The following GPCPD1 variants were observed in gnomAD, a reference collection of about 807,000 sequenced individuals.
GPCPD1 encodes glycerophosphocholine phosphodiesterase GPCPD1.
Under a neutral mutation model 89.2 loss-of-function variants are expected in GPCPD1, and 29 were observed. The observed-to-expected ratio is 0.33, with a 90% CI of 0.24 to 0.44. The LOEUF (loss-of-function observed/expected upper bound fraction) is 0.44, where lower values mean the gene tolerates loss of function less well. GPCPD1 is among the 20% of genes least tolerant of loss of function. GPCPD1 has a pLI of 1.00. For missense variants in GPCPD1, 594 were observed against 808.9 expected, an observed-to-expected ratio of 0.73 and a Z score of 3.22; for synonymous variants, 258 against 266.3, an observed-to-expected ratio of 0.97 and a Z score of 0.30.
chr20:5,581,294 G>A (rs1441032401), intron 6 of GPCPD1, among the ~76,000 whole-genome samples: 1 of 152,080 alleles, frequency 6.6e-6, no homozygotes, highest in African/African-American at 2.4e-5. Flanking sequence ...TATGAAGTAG[G>A]GGGAAAAATT....
At chr20:5,573,222 T>A (rs1568657099) in intron 11 of GPCPD1, among the ~76,000 whole-genome samples, 1 of 152,028 alleles carries the variant, frequency 6.6e-6, no homozygotes. Context: ...GTAGCTGGGA[T>A]AACAGGCGCG....
intron 3 of GPCPD1, among the ~76,000 whole-genome samples, chr20:5,596,397 T>A (rs567911130): frequency 6.6e-6 from 1 of 151,630 alleles, no homozygotes; most frequent in Non-Finnish European, 1.5e-5. Context: ...GTCTAAAAAA[T>A]TTTAAAAAAA....
intron 5 of GPCPD1, 60 bp downstream of exon 5, chr20:5,586,134 T>C (rs982443187): frequency 1.3e-6 from 1 of 777,510 alleles, no homozygotes; most frequent in Admixed American, 2.1e-5. Flanking sequence ...ACTAAGCCAT[T>C]GTGCAGCATA....
chr20:5,549,841 T>G (rs1731016213), intron 19 of GPCPD1, among the ~76,000 whole-genome samples: 1 of 146,594 alleles, frequency 6.8e-6, no homozygotes, highest in South Asian at 2.1e-4. Context: ...TGGAAAAAAA[T>G]GCATTCAGAG....
At chr20:5,567,863 C>G (rs1223990215) in intron 12 of GPCPD1, 1 of 231,300 alleles carries the variant, frequency 4.3e-6, no homozygotes, top group African/African-American at 2.2e-5. Flanking sequence ...AACCAGAAGT[C>G]AGTCATCTCC....
Position 5,580,106 on chromosome 20 carries a change from T to A in GPCPD1, c.375A>T (p.Gly125=), listed in dbSNP as rs962540229. 3 of 1,496,572 alleles carry A rather than the reference T, an allele frequency of 2.0e-6. No homozygotes were observed. Among genetic ancestry groups the A allele is most frequent in the Non-Finnish European group, 2.8e-6 (3 of 1,075,116 alleles). 92.7% of individuals were successfully genotyped at this position (1,496,572 alleles called of 1,614,324 possible). Residue 125 remains glycine, a synonymous_variant, in exon 7 of 20, where the codon GGA becomes GGT. Coordinates refer to ENST00000379019, the MANE Select transcript of GPCPD1 (RefSeq NM_019593.5). ...IHNGVETLDS[G]WLTCQTEIRL... ...TTATTTCAGTCTGACATGTCAGCCA[T>A]CCAGAATCCAGAGTTTCAACACCAT...
rs1361930929 is a variant in GPCPD1, at chr20:5,554,000, G to A, written c.1829+3945C>T. ...TTCTTTTTTTTTAAGACAGAGTCTCGCTCTGTCACCCAGGCTGCAGTGCAG... is the reference window on the plus strand; with the variant it reads ...TTCTTTTTTTTTAAGACAGAGTCTCACTCTGTCACCCAGGCTGCAGTGCAG... On this transcript the variant is annotated intron_variant, in intron 19 of 19. Transcript: ENST00000379019. Among the ~76,000 whole-genome samples, 5 of 95,118 alleles carry A rather than the reference G, an allele frequency of 5.3e-5. 1 individual carries two copies. Among genetic ancestry groups the A allele is most frequent in the Non-Finnish European group, 8.7e-5 (4 of 46,208 alleles). The allele number at this position is 95,118 out of a possible 152,430, so 62.4% of individuals were successfully genotyped here.
At position 5,603,217 on chromosome 20, in the gene GPCPD1, C is replaced by T. The variant is rs1980298883; in HGVS notation, c.49+1147G>A. 4.6e-5 allele frequency among the ~76,000 whole-genome samples: 7 copies of T among 152,042 alleles called. No homozygotes were observed. The South Asian group carries it at 1.5e-3, about 32-fold the overall frequency. ...CTGAGGCAGGAGAATTGCTTAAACC[C>T]GGGAGGCGGAGGTTGCAGTGAGCTG... On this transcript the variant is annotated intron_variant, in intron 2 of 19. Transcript: ENST00000379019.
chr20:5,559,525 C>A (rs566421739), intron 17 of GPCPD1, among the ~76,000 whole-genome samples: 2 of 152,230 alleles, frequency 1.3e-5, no homozygotes, highest in Non-Finnish European at 2.9e-5. Context: ...GTCAGGGCTG[C>A]AGTGTCATCA....
At chr20:5,561,828 G>C (rs1298774653) in intron 15 of GPCPD1, among the ~76,000 whole-genome samples, 7 of 152,178 alleles carry the variant, frequency 4.6e-5, no homozygotes. Context: ...GCCATTACTA[G>C]TAAACATCCA....
intron 2 of GPCPD1, among the ~76,000 whole-genome samples, chr20:5,600,619 G>A (rs560427965): frequency 6.6e-6 from 1 of 152,302 alleles, no homozygotes. Context: ...AGATCACTAG[G>A]TCAGGAGTTC....
At chr20:5,579,672 G>A (rs1461809141) in intron 7 of GPCPD1, among the ~76,000 whole-genome samples, 4 of 152,226 alleles carry the variant, frequency 2.6e-5, no homozygotes, top group Non-Finnish European at 5.9e-5. Context: ...TGGGATTACA[G>A]GCGTGAGCCA....
At chr20:5,567,127 T>C (rs1986431234) in intron 13 of GPCPD1, among the ~76,000 whole-genome samples, 1 of 152,188 alleles carries the variant, frequency 6.6e-6, no homozygotes, top group Non-Finnish European at 1.5e-5. Context: ...TTACCAACTA[T>C]TGCATAAAAG....
intron 19 of GPCPD1, chr20:5,548,503 C>A (rs1417170207): frequency 6.6e-6 from 1 of 152,254 alleles, no homozygotes; most frequent in Non-Finnish European, 1.5e-5. Context: ...AAATATCTGA[C>A]TGTATTAAAA....
At chr20:5,595,776 T>C (rs1979675412) in intron 3 of GPCPD1, among the ~76,000 whole-genome samples, 2 of 148,026 alleles carry the variant, frequency 1.4e-5, no homozygotes, top group South Asian at 4.5e-4. Context: ...AATAGAAAGT[T>C]GCCATTTCTG....
At position 5,598,553 on chromosome 20, in the gene GPCPD1, C is replaced by A. The variant is rs185796751; in HGVS notation, c.146+172G>T. Reference sequence around the variant, plus strand: ...GCAGGGATTAACAGTAAGAGAGGAACCTGTTTTTCCCACACAAATTTTGTA... The same window carrying A: ...GCAGGGATTAACAGTAAGAGAGGAAACTGTTTTTCCCACACAAATTTTGTA... On this transcript the variant is annotated intron_variant, in intron 3 of 19. Coordinates refer to ENST00000379019, the MANE Select transcript of GPCPD1 (RefSeq NM_019593.5). Among the ~76,000 whole-genome samples the A allele has an allele frequency of 2.5e-3, 377 of 150,816 alleles. 2 individuals carry two copies. Among genetic ancestry groups the A allele is most frequent in the Non-Finnish European group, 2.2e-3 (152 of 67,814 alleles).
intron 19 of GPCPD1, among the ~76,000 whole-genome samples, chr20:5,551,783 C>T (rs1406151997): frequency 6.6e-6 from 1 of 151,882 alleles, no homozygotes; most frequent in Non-Finnish European, 1.5e-5. Flanking sequence ...ATAAAAAGAA[C>T]GGCCTCTTAC....
chr20:5,604,774 T>TAC (rs11466989), intron 1 of GPCPD1, among the ~76,000 whole-genome samples: 29,205 of 138,996 alleles, frequency 0.21, 3,154 homozygotes, highest in Non-Finnish European at 0.24. Context: ...GCCTCATGTC[T>TAC]ACACACACAC....
chr20:5,598,888 G>C (rs1371402773), intron 2 of GPCPD1, 67 bp from the exon 3 acceptor site: 1 of 947,608 alleles, frequency 1.1e-6, no homozygotes, highest in African/African-American at 1.6e-5. Context: ...AAGCAGGGAA[G>C]TTTGCATTAG....
Sources: allele counts gnomAD v4.1 joint callset (sites outside exome capture counted in the v4.1 genomes callset), GRCh38; gene constraint gnomAD v4.1.1; transcripts MANE v1.5; gene names NCBI Gene and HGNC (gene_info 2026-07-23, HGNC 2026-07-21).